Variants in TBC1D32 observed in about 807,000 individuals in gnomAD.
The protein encoded by TBC1D32 is protein broad-minded.
TBC1D32 carries 151 observed loss-of-function variants against 170.3 expected under a neutral mutation model. The observed-to-expected ratio is 0.89, with a 90% confidence interval of 0.78 to 1.01. TBC1D32 has a LOEUF of 1.01. Ranked by LOEUF, TBC1D32 falls within the 50% of genes least tolerant of loss-of-function variation. TBC1D32 has a pLI of 0.00. For missense variants in TBC1D32, 1,464 were observed against 1,457.1 expected, an observed-to-expected ratio of 1.00 and a Z score of -0.08; for synonymous variants, 498 against 488.0, an observed-to-expected ratio of 1.02 and a Z score of -0.27.
At chr6:121,252,611 C>CCAATATAT (rs1408842763) in intron 17 of TBC1D32, among the ~76,000 whole-genome samples, 1 of 151,992 alleles carries the variant, frequency 6.6e-6, no homozygotes, top group African/African-American at 2.4e-5. Flanking sequence ...GGACAAATAC[C>CCAATATAT]CAATATATGC....
At chr6:121,254,211 G>A (rs981492298) in intron 17 of TBC1D32, among the ~76,000 whole-genome samples, 3 of 152,152 alleles carry the variant, frequency 2.0e-5, no homozygotes, top group Non-Finnish European at 4.4e-5. Context: ...GCATAAGCAT[G>A]ATATAATGGA....
rs1045968889 is a variant in TBC1D32 at position 121,161,055 on chromosome 6, C to T, written c.2572G>A (p.Asp858Asn). The T allele has an allele frequency of 2.5e-6, 4 of 1,602,190 alleles. No homozygotes were observed. The highest frequency in any genetic ancestry group is 3.4e-6 in the Non-Finnish European group (4 of 1,173,210). Reference protein sequence around the residue: ...YEQSHIFGLRDFIIDGLSVER... With the variant: ...YEQSHIFGLRNFIIDGLSVER... Reference sequence around the variant, plus strand: ...ACTGATAAGCCATCAATTATAAAGTCCCTGAAAAAATAAATATATCACCTT... The same window carrying T: ...ACTGATAAGCCATCAATTATAAAGTTCCTGAAAAAATAAATATATCACCTT... The change falls in exon 23 of 32, where the codon GAC becomes AAC. Residue 858 changes from aspartate to asparagine, a missense_variant and splice_region_variant. Coordinates refer to ENST00000398212, the MANE Select transcript of TBC1D32 (RefSeq NM_152730.6).
At chr6:121,087,266 C>G (rs1035670372) in intron 31 of TBC1D32, among the ~76,000 whole-genome samples, 1 of 152,174 alleles carries the variant, frequency 6.6e-6, no homozygotes, top group African/African-American at 2.4e-5. Flanking sequence ...TTCTTTCCCC[C>G]ATAAACCAGT....
At chr6:121,323,162 T>C (rs539948237) in intron 1 of TBC1D32, among the ~76,000 whole-genome samples, 56 of 152,300 alleles carry the variant, frequency 3.7e-4, no homozygotes, top group Non-Finnish European at 7.1e-4. Flanking sequence ...CACTCAATCA[T>C]ATCCATGCAG....
intron 21 of TBC1D32, among the ~76,000 whole-genome samples, chr6:121,218,706 T>C (rs1199319224): frequency 6.6e-6 from 1 of 152,178 alleles, no homozygotes; most frequent in African/African-American, 2.4e-5. Context: ...CTATTAGTTC[T>C]GTCCCTCTAA....
chr6:121,316,053 TTCC>T (rs1426907775), intron 3 of TBC1D32, among the ~76,000 whole-genome samples: 2 of 152,112 alleles, frequency 1.3e-5, no homozygotes, highest in African/African-American at 2.4e-5. Flanking sequence ...TAAAGCATGA[TTCC>T]TCCTCAAGAA....
Position 121,113,182 on chromosome 6 carries a change from A to G in TBC1D32, c.3054-5T>C, listed in dbSNP as rs1412736506. ...AGACTGAGGAATTTGCCATACCTAT[A>G]TTAAAAGCCCACAAAACATAAAACA... On this transcript the variant is annotated splice_polypyrimidine_tract_variant and splice_region_variant and intron_variant, in intron 27 of 31. Transcript: ENST00000398212. The G allele has an allele frequency of 6.4e-7, 1 of 1,571,714 alleles. No individual in the cohort carries two copies. The highest frequency in any genetic ancestry group is 8.6e-7 in the Non-Finnish European group (1 of 1,156,170).
chr6:121,216,245 T>C (rs1053600616), intron 21 of TBC1D32, among the ~76,000 whole-genome samples: 41 of 152,234 alleles, frequency 2.7e-4, no homozygotes, highest in Non-Finnish European at 1.0e-4. Context: ...TCTCCCGTGA[T>C]GAATGCTTCC....
chr6:121,332,033 T>G (rs1583807611), intron 1 of TBC1D32, among the ~76,000 whole-genome samples: 2 of 152,312 alleles, frequency 1.3e-5, no homozygotes, highest in African/African-American at 4.8e-5. Flanking sequence ...AAATAGTAAC[T>G]ATTAACTGTG....
At chr6:121,088,165 G>T (rs907994032) in intron 31 of TBC1D32, among the ~76,000 whole-genome samples, 4 of 151,928 alleles carry the variant, frequency 2.6e-5, no homozygotes, top group African/African-American at 9.7e-5. Flanking sequence ...ATGTTGCCCA[G>T]GCTGGTCTCA....
rs1562527818 is a variant in TBC1D32 at position 121,115,208 on chromosome 6, G to A, written c.3017C>T (p.Ser1006Leu). 6.2e-7 allele frequency: 1 copy of A among 1,602,182 alleles called. No individual in the cohort carries two copies. Reference sequence around the variant, plus strand: ...TTTAATGCCAAGCTGCTGCACAGATGAAAGACTTTCATTCTTCACATTTGC... The same window carrying A: ...TTTAATGCCAAGCTGCTGCACAGATAAAAGACTTTCATTCTTCACATTTGC... Reference protein sequence around the residue: ...TDANVKNESLSSVQQLGIKMT... With the variant: ...TDANVKNESLLSVQQLGIKMT... The change falls in exon 27 of 32, where the codon TCA becomes TTA. Residue 1006 changes from serine (S) to leucine (L), a missense_variant. By Grantham distance (145) the Ser-to-Leu change is moderately radical (BLOSUM62 -2). This residue lies in a region of TBC1D32 where 1,363 missense variants were observed against 1,338.1 expected (regional missense o/e 1.02). Transcript: ENST00000398212.
At chr6:121,295,560 A>G (rs1805498188) in intron 10 of TBC1D32, among the ~76,000 whole-genome samples, 1 of 152,042 alleles carries the variant, frequency 6.6e-6, no homozygotes, top group African/African-American at 2.4e-5. Flanking sequence ...GCTAAGAAGG[A>G]TATGGTTATG....
intron 21 of TBC1D32, among the ~76,000 whole-genome samples, chr6:121,213,820 A>C (rs974478085): frequency 6.6e-6 from 1 of 152,218 alleles, no homozygotes; most frequent in African/African-American, 2.4e-5. Flanking sequence ...AAACCAAAAA[A>C]GAGCCTGAAT....
At chr6:121,177,916 T>C (rs1219961476) in intron 22 of TBC1D32, among the ~76,000 whole-genome samples, 3 of 152,282 alleles carry the variant, frequency 2.0e-5, no homozygotes, top group Non-Finnish European at 2.9e-5. Flanking sequence ...GTAGGTGTAT[T>C]AGTCCTTTTT....
At chr6:121,293,358 C>T (rs1239142240) in intron 11 of TBC1D32, among the ~76,000 whole-genome samples, 1 of 152,070 alleles carries the variant, frequency 6.6e-6, no homozygotes, top group Non-Finnish European at 1.5e-5. Context: ...CTTTCTCCTC[C>T]CCTACAAAAC....
chr6:121,224,616 G>A (rs150840693), intron 20 of TBC1D32, among the ~76,000 whole-genome samples: 1 of 152,106 alleles, frequency 6.6e-6, no homozygotes, highest in African/African-American at 2.4e-5. Context: ...CCAGACTCAA[G>A]TTACTCATTA....
At chr6:121,204,676 T>C (rs1792004823) in intron 22 of TBC1D32, among the ~76,000 whole-genome samples, 2 of 151,318 alleles carry the variant, frequency 1.3e-5, no homozygotes, top group Non-Finnish European at 2.9e-5. Flanking sequence ...AAAGTAATGA[T>C]TAACACCAAA....
chr6:121,153,932 TG>T (rs1178316514), intron 24 of TBC1D32, among the ~76,000 whole-genome samples: 1 of 149,308 alleles, frequency 6.7e-6, no homozygotes, highest in African/African-American at 2.5e-5. Flanking sequence ...CTGGGCTCCA[TG>T]GGGGTAGGAT....
chr6:121,126,635 A>G (rs1780888338), intron 25 of TBC1D32, among the ~76,000 whole-genome samples, 174 bp from the exon 26 acceptor site: 1 of 152,128 alleles, frequency 6.6e-6, no homozygotes, highest in African/African-American at 2.4e-5. Context: ...TTCTGATGCA[A>G]ATTAAACTTT....
Sources: gnomAD v4.1 joint callset for allele counts (sites outside exome capture counted in the v4.1 genomes callset) on GRCh38, gnomAD v4.1.1 for gene constraint, gnomAD v4.1.1 regional missense constraint, MANE v1.5 for transcripts, NCBI Gene and HGNC (gene_info 2026-07-23, HGNC 2026-07-21) for gene names.